The following KHDRBS2 variants were observed in gnomAD, a reference collection of about 807,000 sequenced individuals.
KHDRBS2 encodes KH domain-containing, RNA-binding, signal transduction-associated protein 2.
Under a neutral mutation model 44.3 loss-of-function variants are expected in KHDRBS2, and 26 were observed. The observed-to-expected ratio is 0.59, with a 90% confidence interval of 0.43 to 0.81. The LOEUF (loss-of-function observed/expected upper bound fraction) is 0.81. KHDRBS2 is among the 40% of genes least tolerant of loss of function. The probability of loss-of-function intolerance (pLI) is 0.00; values close to 1 mark genes in which losing one functional copy is unlikely to be tolerated. For missense variants in KHDRBS2, 476 were observed against 433.1 expected (o/e 1.10, Z -0.88); for synonymous variants, 194 against 151.1 (o/e 1.28, Z -2.08).
chr6:62,227,640 G>T (rs989753096), intron 1 of KHDRBS2, among the ~76,000 whole-genome samples: 1 of 152,146 alleles, frequency 6.6e-6, no homozygotes, highest in African/African-American at 2.4e-5. Context: ...TGCTCATTGA[G>T]TATGATATTG....
At chr6:61,772,347 C>CA (rs1411129782) in intron 6 of KHDRBS2, among the ~76,000 whole-genome samples, 2 of 152,124 alleles carry the variant, frequency 1.3e-5, no homozygotes, top group East Asian at 1.9e-4. Context: ...AATAGAGACA[C>CA]AAAAAACCCT....
At chr6:61,916,948 A>G (rs1340701156) in intron 4 of KHDRBS2, among the ~76,000 whole-genome samples, 1 of 148,304 alleles carries the variant, frequency 6.7e-6, no homozygotes, top group African/African-American at 2.5e-5. Flanking sequence ...GAGGATGTGG[A>G]GAAACAGGAA....
chr6:62,207,704 G>C (rs1039851546), intron 1 of KHDRBS2, among the ~76,000 whole-genome samples: 44 of 152,068 alleles, frequency 2.9e-4, no homozygotes, highest in African/African-American at 1.1e-3. Flanking sequence ...TTGTCATATG[G>C]CTAAACCTAA....
At chr6:62,027,100 A>C (rs555754613) in intron 3 of KHDRBS2, among the ~76,000 whole-genome samples, 2 of 152,070 alleles carry the variant, frequency 1.3e-5, no homozygotes, top group Non-Finnish European at 2.9e-5. Context: ...CTTAAGAAAT[A>C]ACTGTTCACT....
rs1304529391 is a variant in KHDRBS2 at position 61,828,452 on chromosome 6, C to T, written c.810+66183G>A. ...AGGTGCGGGTGAAGGGTTATAAGTG[C>T]CCTTTCATTATTCTTTGTATGGTTA... is the stretch of plus-strand genomic sequence containing the variant. On this transcript the variant is annotated intron_variant, in intron 6 of 8. Coordinates refer to ENST00000281156, the MANE Select transcript of KHDRBS2 (RefSeq NM_152688.4). 2.0e-5 allele frequency among the ~76,000 whole-genome samples: 3 copies of T among 152,084 alleles called. No homozygotes were observed. The East Asian group carries it at 5.8e-4, about 29-fold the overall frequency.
the KHDRBS2 span, among the ~76,000 whole-genome samples, chr6:61,617,836 T>G: frequency 2.6e-5 from 4 of 152,152 alleles, no homozygotes; most frequent in African/African-American, 9.7e-5. Flanking sequence ...TCCCTAGAAA[T>G]AATTAGAGAA....
chr6:61,909,666 A>C (rs1805689555), intron 4 of KHDRBS2, among the ~76,000 whole-genome samples: 1 of 36,258 alleles, frequency 2.8e-5, no homozygotes, highest in Non-Finnish European at 5.1e-5. Context: ...AGATGTTTGG[A>C]TGTTCCAAAG....
intron 5 of KHDRBS2, among the ~76,000 whole-genome samples, chr6:61,899,860 C>T (rs1479388084): frequency 1.3e-5 from 2 of 151,308 alleles, no homozygotes; most frequent in South Asian, 2.1e-4. Flanking sequence ...ACAAAAGTTG[C>T]AATTTCATAT....
chr6:61,769,693 G>T (rs1176401952), intron 6 of KHDRBS2, among the ~76,000 whole-genome samples: 5 of 152,218 alleles, frequency 3.3e-5, no homozygotes, highest in Non-Finnish European at 7.3e-5. Context: ...CCAGGAAGCT[G>T]GAACTGGGTG....
chr6:61,813,562 T>C (rs141881629), intron 6 of KHDRBS2, among the ~76,000 whole-genome samples: 8 of 152,310 alleles, frequency 5.3e-5, no homozygotes, highest in Middle Eastern at 6.8e-3. Flanking sequence ...TAGAAGAGTA[T>C]GCGTTTAGAT....
chr6:61,609,707 T>G, the KHDRBS2 span, among the ~76,000 whole-genome samples: 8 of 152,216 alleles, frequency 5.3e-5, no homozygotes, highest in East Asian at 1.5e-3. Context: ...TTGAGTTAGC[T>G]TTAGCTATTC....
intron 1 of KHDRBS2, among the ~76,000 whole-genome samples, chr6:62,226,923 G>A (rs114105760): frequency 4.9e-4 from 74 of 152,264 alleles, no homozygotes; most frequent in Non-Finnish European, 9.4e-4. Flanking sequence ...TTTGGTTACT[G>A]TACCATTGTA....
intron 4 of KHDRBS2, among the ~76,000 whole-genome samples, chr6:61,963,969 T>G (rs1416008174): frequency 6.6e-6 from 1 of 152,090 alleles, no homozygotes; most frequent in Non-Finnish European, 1.5e-5. Flanking sequence ...ACTTTTAAGA[T>G]TCTCATCTTG....
At chr6:62,063,839 T>C (rs1792761491) in intron 2 of KHDRBS2, among the ~76,000 whole-genome samples, 1 of 134,136 alleles carries the variant, frequency 7.5e-6, no homozygotes, top group Non-Finnish European at 1.6e-5. Context: ...GAAGTCAAAT[T>C]GTCCCTGTTT....
At chr6:61,923,042 T>C (rs757725086) in intron 4 of KHDRBS2, among the ~76,000 whole-genome samples, 56 of 152,188 alleles carry the variant, frequency 3.7e-4, no homozygotes, top group African/African-American at 1.2e-3. Flanking sequence ...AAAATGTATT[T>C]CACATAATGA....
At chr6:62,057,629 G>A (rs139048561) in intron 2 of KHDRBS2, among the ~76,000 whole-genome samples, 1 of 151,890 alleles carries the variant, frequency 6.6e-6, no homozygotes, top group Admixed American at 6.6e-5. Flanking sequence ...CTACACACCA[G>A]TGTCTTCAAT....
the KHDRBS2 span, among the ~76,000 whole-genome samples, chr6:61,575,209 A>C: frequency 0.024 from 3,718 of 152,334 alleles, 70 homozygotes; most frequent in Middle Eastern, 0.085. Flanking sequence ...TTTGCAAACT[A>C]TGCATCTGAT....
intron 3 of KHDRBS2, among the ~76,000 whole-genome samples, chr6:62,030,316 T>A (rs892216643): frequency 1.2e-4 from 18 of 152,070 alleles, no homozygotes; most frequent in African/African-American, 3.4e-4. Flanking sequence ...GAGGGTGCAA[T>A]TCTTCAGAGA....
chr6:61,836,067 T>G (rs1288270138), intron 6 of KHDRBS2, among the ~76,000 whole-genome samples: 1 of 151,988 alleles, frequency 6.6e-6, no homozygotes, highest in East Asian at 1.9e-4. Flanking sequence ...AGTACTATAC[T>G]CAAAGTCATC....
Sources: gnomAD v4.1 joint callset for allele counts (sites outside exome capture counted in the v4.1 genomes callset) on GRCh38, gnomAD v4.1.1 for gene constraint, MANE v1.5 for transcripts, NCBI Gene and HGNC (gene_info 2026-07-23, HGNC 2026-07-21) for gene names.